HOPX: variants seen among roughly 807,000 people sequenced by gnomAD.
HOPX encodes homeodomain-only protein.
A neutral mutation model predicts 11.8 loss-of-function variants in HOPX; 5 were observed. The observed-to-expected ratio is 0.43, with a 90% CI of 0.22 to 0.89. HOPX has a LOEUF of 0.89. Ranked by LOEUF, HOPX falls within the 40% of genes least tolerant of loss-of-function variation. HOPX has a pLI of 0.28. For missense variants in HOPX, 119 were observed against 120.0 expected (o/e 0.99, Z 0.04); for synonymous variants, 49 against 49.7 (o/e 0.99, Z 0.06).
In HOPX at chr4:56,648,578, A is replaced by T; in HGVS notation, c.*142T>A. 1 of 523,368 alleles carries T rather than the reference A, an allele frequency of 1.9e-6. No individual in the cohort carries two copies. Among genetic ancestry groups the T allele is most frequent in the Non-Finnish European group, 3.5e-6 (1 of 289,706 alleles). 32.4% of individuals were successfully genotyped at this position (523,368 alleles called of 1,614,324 possible). A position where few individuals can be genotyped will look rare whatever the true frequency, so the allele number is the denominator to read the frequency against. On this transcript the variant is annotated 3_prime_UTR_variant, in exon 4 of 4. Coordinates refer to ENST00000420433, the MANE Select transcript of HOPX (RefSeq NM_032495.6). ...TCTAATTATGTACATTTAGAAAAAA[A>T]ATACAACACTGTGTTAAACAGCAGG...
Position 56,657,880 on chromosome 4 carries a change from T to TG in HOPX, c.-65dup. On this transcript the variant is annotated 5_prime_UTR_variant, in exon 2 of 4. The change creates a premature stop within an existing upstream ORF in the 5' untranslated region. Coordinates refer to ENST00000420433, the MANE Select transcript of HOPX (RefSeq NM_032495.6). ...CTGTGCTCCGCTAGACCCTTCTCAG[T>TG]GGGGCAGTCTGTCATTAGTCTGGTA... 7 of 1,551,324 alleles carry TG rather than the reference T, an allele frequency of 4.5e-6. No homozygotes were observed. Among genetic ancestry groups the TG allele is most frequent in the Non-Finnish European group, 6.1e-6 (7 of 1,146,826 alleles).
intron 1 of HOPX, among the ~76,000 whole-genome samples, chr4:56,658,993 C>A (rs2109495552): frequency 6.6e-6 from 1 of 152,332 alleles, no homozygotes; most frequent in South Asian, 2.1e-4. Flanking sequence ...GTCCCCTAAT[C>A]CTGTAATCAT....
chr4:56,661,290 G>C (rs140013574), intron 1 of HOPX, among the ~76,000 whole-genome samples: 1 of 152,104 alleles, frequency 6.6e-6, no homozygotes, highest in Non-Finnish European at 1.5e-5. Context: ...AGAGAAGTTC[G>C]TTCATATTCA....
upstream of HOPX, chr4:56,681,341 C>T (rs2109567868): frequency 2.0e-6 from 2 of 985,332 alleles, no homozygotes; most frequent in South Asian, 9.4e-5. Context: ...GGCTGGCTGA[C>T]GCAGGCTGCT....
intron 1 of HOPX, among the ~76,000 whole-genome samples, chr4:56,671,036 A>T (rs1274544950): frequency 6.6e-6 from 1 of 152,112 alleles, no homozygotes; most frequent in African/African-American, 2.4e-5. Context: ...CAAGTAGATA[A>T]AATTGTCATA....
At chr4:56,669,869 G>T (rs1236185300) in intron 1 of HOPX, among the ~76,000 whole-genome samples, 1 of 152,108 alleles carries the variant, frequency 6.6e-6, no homozygotes, top group African/African-American at 2.4e-5. Flanking sequence ...CAAAATGCAG[G>T]TCTGTTAGGA....
chr4:56,670,433 G>A (rs1303836637), intron 1 of HOPX, among the ~76,000 whole-genome samples: 2 of 152,106 alleles, frequency 1.3e-5, no homozygotes, highest in Admixed American at 1.3e-4. Flanking sequence ...AAGCTTGGAA[G>A]CAAATAACAA....
Position 56,648,383 on chromosome 4 carries a change from G to T in HOPX, c.*337C>A, listed in dbSNP as rs950501952. ...TCAACAGAGGCCTGGATTGCTAAATGGATTATGAAAGCAAATTGCTACTGG... is the reference window on the plus strand; with the variant it reads ...TCAACAGAGGCCTGGATTGCTAAATTGATTATGAAAGCAAATTGCTACTGG... On this transcript the variant is annotated 3_prime_UTR_variant, in exon 4 of 4. Coordinates refer to ENST00000420433, the MANE Select transcript of HOPX (RefSeq NM_032495.6). 2 of 219,720 alleles carry T rather than the reference G, an allele frequency of 9.1e-6. No homozygotes were observed. Among genetic ancestry groups the T allele is most frequent in the African/African-American group, 4.5e-5 (2 of 44,090 alleles). The allele number at this position is 219,720 out of a possible 1,614,324, so 13.6% of individuals were successfully genotyped here. A position where few individuals can be genotyped will look rare whatever the true frequency, so the allele number is the denominator to read the frequency against.
At chr4:56,670,974 G>A (rs910022039) in intron 1 of HOPX, among the ~76,000 whole-genome samples, 1 of 150,118 alleles carries the variant, frequency 6.7e-6, no homozygotes, top group Non-Finnish European at 1.5e-5. Flanking sequence ...TCCAGCCTGG[G>A]TGAAAAAAAA....
chr4:56,663,799 G>C (rs1180679340), intron 1 of HOPX: 1 of 94,398 alleles, frequency 1.1e-5, no homozygotes, highest in Non-Finnish European at 2.7e-5. Flanking sequence ...GTGTGCCTTT[G>C]TAGGTGCTCT....
intron 1 of HOPX, among the ~76,000 whole-genome samples, chr4:56,667,561 C>T (rs996778943): frequency 3.3e-5 from 5 of 152,334 alleles, no homozygotes; most frequent in Admixed American, 6.5e-5. Context: ...CCAAGCATAA[C>T]TCAGTCTACC....
At chr4:56,659,916 A>C (rs1029403878) in intron 1 of HOPX, among the ~76,000 whole-genome samples, 6 of 152,250 alleles carry the variant, frequency 3.9e-5, no homozygotes, top group Non-Finnish European at 8.8e-5. Context: ...AATGCTATTA[A>C]TCTTTTGTAT....
At chr4:56,671,512 C>A (rs1014105787) in intron 1 of HOPX, among the ~76,000 whole-genome samples, 6 of 152,048 alleles carry the variant, frequency 3.9e-5, no homozygotes, top group Admixed American at 1.3e-4. Flanking sequence ...TGACCCACAG[C>A]TGGTACCTTG....
At chr4:56,656,601 G>T in intron 2 of HOPX, 2 of 362,806 alleles carry the variant, frequency 5.5e-6, no homozygotes, top group Non-Finnish European at 3.8e-6. Context: ...TTCCCCGCAA[G>T]ACAAGTTACT....
chr4:56,681,441 A>G, upstream of HOPX: 1 of 988,134 alleles, frequency 1.0e-6, no homozygotes, highest in Non-Finnish European at 1.2e-6. Flanking sequence ...CACTGAAAGT[A>G]TGCCGAGGTT....
chr4:56,676,641 C>A (rs1719030766), intron 1 of HOPX: 1 of 151,432 alleles, frequency 6.6e-6, no homozygotes. Flanking sequence ...TTGACTGCTG[C>A]CCTGATGCCA....
chr4:56,661,869 C>A (rs981877214), intron 1 of HOPX, among the ~76,000 whole-genome samples: 1 of 152,124 alleles, frequency 6.6e-6, no homozygotes, highest in East Asian at 1.9e-4. Flanking sequence ...AAGAACAATA[C>A]AAATATAATG....
intron 1 of HOPX, among the ~76,000 whole-genome samples, chr4:56,658,145 G>A (rs1031104886): frequency 6.6e-6 from 1 of 152,154 alleles, no homozygotes; most frequent in Non-Finnish European, 1.5e-5. Flanking sequence ...GCTCTTCCAT[G>A]AAAATTTTGT....
intron 1 of HOPX, among the ~76,000 whole-genome samples, chr4:56,678,172 T>C (rs1459579968): frequency 6.6e-6 from 1 of 151,414 alleles, no homozygotes; most frequent in Admixed American, 6.6e-5. Flanking sequence ...GCAGCCTCTT[T>C]CTTTACCTTT....
Sources: gnomAD v4.1 joint callset for allele counts (sites outside exome capture counted in the v4.1 genomes callset) on GRCh38, gnomAD v4.1.1 for gene constraint, MANE v1.5 for transcripts, NCBI Gene and HGNC (gene_info 2026-07-23, HGNC 2026-07-21) for gene names.